PCDHA1: variants seen among roughly 807,000 people sequenced by gnomAD.
PCDHA1 encodes the protein protocadherin alpha-1.
PCDHA1 carries 42 observed loss-of-function variants against 61.3 expected under a neutral mutation model. The observed-to-expected ratio is 0.69, with a 90% CI of 0.54 to 0.89. The LOEUF (loss-of-function observed/expected upper bound fraction) is 0.89, where lower values mean the gene tolerates loss of function less well. Among genes scored for constraint, PCDHA1 ranks in the 40% least tolerant of loss-of-function variants. PCDHA1 has a pLI of 0.00. For synonymous variants in PCDHA1, 610 were observed against 553.8 expected (o/e 1.10, Z -1.43); for missense variants, 1,256 against 1,235.3 (o/e 1.02, Z -0.25).
Position 140,965,562 on chromosome 5 carries a change from A to G in PCDHA1, c.2395-13387A>G, listed in dbSNP as rs548302746. 1.9e-4 allele frequency among the ~76,000 whole-genome samples: 29 copies of G among 152,242 alleles called. No homozygotes were observed. In the South Asian group the frequency reaches 6.0e-3, roughly 32 times the overall value. On this transcript the variant is annotated intron_variant, in intron 1 of 3. Coordinates refer to ENST00000504120, the MANE Select transcript of PCDHA1 (RefSeq NM_018900.4). ...AATTCCAGCCTGGCTTAGGAGATCA[A>G]CAGTAACGCTCTTGATTTAATGGTT...
chr5:140,800,909 A>G (rs1762610990), intron 1 of PCDHA1: 8 of 509,390 alleles, frequency 1.6e-5, no homozygotes, highest in Admixed American at 4.3e-5. Flanking sequence ...ACCGAAGGAT[A>G]TTACAATTGA....
intron 1 of PCDHA1, chr5:140,929,269 A>G (rs138062218): frequency 3.0e-5 from 49 of 1,611,106 alleles, no homozygotes; most frequent in African/African-American, 5.3e-5. Context: ...GAATTTGCCA[A>G]TATCCTGTAT....
In PCDHA1 at chr5:140,946,631, T is replaced by TATAC. The variant is rs57893927; in HGVS notation, c.2395-32317_2395-32316insTACA. ...TGTGAAATATATATATATATATATA[T>TATAC]ACAATGGAATACTCATCAGCCATTA... On this transcript the variant is annotated intron_variant, in intron 1 of 3. Transcript: ENST00000504120. 2.4e-4 allele frequency among the ~76,000 whole-genome samples: 32 copies of TATAC among 131,838 alleles called. 1 individual carries two copies. The highest frequency in any genetic ancestry group is 4.2e-4 in the African/African-American group (12 of 28,706). 86.5% of individuals were successfully genotyped at this position (131,838 alleles called of 152,430 possible).
Position 140,974,586 on chromosome 5 carries a change from A to G in PCDHA1, c.2395-4363A>G, listed in dbSNP as rs150396044. Among the ~76,000 whole-genome samples, 599 of 152,220 alleles carry G rather than the reference A, an allele frequency of 3.9e-3. 3 individuals carry two copies. Among genetic ancestry groups the G allele is most frequent in the African/African-American group, 0.014 (565 of 41,540 alleles). On this transcript the variant is annotated intron_variant, in intron 1 of 3. Transcript: ENST00000504120. The stretch of plus-strand genomic sequence containing the variant: ...GAGTGCAATGGCATGATCTTGGCTC[A>G]CTGCAACCTCTGCCTCCAGGGTTCA...
At chr5:140,822,311 T>TA (rs1356931430) in intron 1 of PCDHA1, 2 of 1,614,072 alleles carry the variant, frequency 1.2e-6, no homozygotes, top group African/African-American at 2.7e-5. Flanking sequence ...TATTTTGACT[T>TA]AGATGTTAAA....
At chr5:140,827,788 C>T (rs2150149123) in intron 1 of PCDHA1, among the ~76,000 whole-genome samples, 76 of 152,218 alleles carry the variant, frequency 5.0e-4, no homozygotes, top group Admixed American at 1.5e-3. Flanking sequence ...TAACACTGAC[C>T]GTGCAAATTA....
In PCDHA1 at chr5:140,829,345, G is replaced by A. The variant is rs2150166310; in HGVS notation, c.2394+40661G>A. The A allele has an allele frequency of 4.3e-6, 7 of 1,614,136 alleles. No homozygotes were observed. In the African/African-American group the frequency reaches 8.0e-5, roughly 18 times the overall value. ...ACAGTGCCCTGGACCGCGAGAGCGT[G>A]TCGGCCTATGAGTTGGTGGTAACCG... is the stretch of plus-strand genomic sequence containing the variant. On this transcript the variant is annotated intron_variant, in intron 1 of 3. Transcript: ENST00000504120.
intron 3 of PCDHA1, 79 bp downstream of exon 3, chr5:140,982,642 G>T: frequency 6.5e-7 from 1 of 1,529,982 alleles, no homozygotes; most frequent in Non-Finnish European, 8.8e-7. Flanking sequence ...GATCAGGAAT[G>T]TTGATGGCTC....
At chr5:140,818,715 G>A (rs1293296922) in intron 1 of PCDHA1, among the ~76,000 whole-genome samples, 2 of 152,184 alleles carry the variant, frequency 1.3e-5, no homozygotes, top group Non-Finnish European at 1.5e-5. Flanking sequence ...GTGCACACCT[G>A]TGGTCCCAGC....
At chr5:140,947,454 C>T (rs138457341) in intron 1 of PCDHA1, among the ~76,000 whole-genome samples, 1 of 151,582 alleles carries the variant, frequency 6.6e-6, no homozygotes, top group Non-Finnish European at 1.5e-5. Flanking sequence ...ATCCTCCAAC[C>T]TTGTTCTACT....
chr5:140,953,951 A>C (rs1554221165), intron 1 of PCDHA1, among the ~76,000 whole-genome samples: 1 of 151,876 alleles, frequency 6.6e-6, no homozygotes, highest in Admixed American at 6.6e-5. Context: ...TGCTCCCCCA[A>C]CAGGCCCCAG....
At chr5:140,829,924 G>A (rs141677964) in intron 1 of PCDHA1, 8 of 1,613,896 alleles carry the variant, frequency 5.0e-6, no homozygotes, top group Non-Finnish European at 6.8e-6. Flanking sequence ...CGTATGAGCT[G>A]CAGCCCCCGG....
At chr5:140,984,643 C>G (rs1300632981) in intron 3 of PCDHA1, among the ~76,000 whole-genome samples, 3 of 152,152 alleles carry the variant, frequency 2.0e-5, no homozygotes, top group Non-Finnish European at 4.4e-5. Context: ...TCTGCCTTCT[C>G]CCTGTCCTTC....
In PCDHA1 at chr5:140,822,727, A is replaced by C. The variant is rs17844292; in HGVS notation, c.2394+34043A>C. 23 of 1,612,342 alleles carry C rather than the reference A, an allele frequency of 1.4e-5. No homozygotes were observed. In the East Asian group the frequency reaches 4.9e-4, roughly 34 times the overall value. On this transcript the variant is annotated intron_variant, in intron 1 of 3. Transcript: ENST00000504120. ...TGAAGACTATAACTCATATGAAATTAATATTGATGCCATGGATAAAAGTAC... is the reference window on the plus strand; with the variant it reads ...TGAAGACTATAACTCATATGAAATTCATATTGATGCCATGGATAAAAGTAC...
intron 1 of PCDHA1, chr5:140,858,501 T>C: frequency 6.8e-7 from 1 of 1,464,942 alleles, no homozygotes; most frequent in Non-Finnish European, 9.4e-7. Context: ...TACCGCATTT[T>C]CTCAAATATG....
intron 1 of PCDHA1, among the ~76,000 whole-genome samples, chr5:140,791,430 A>G (rs1554118664): frequency 6.6e-6 from 1 of 152,214 alleles, no homozygotes; most frequent in African/African-American, 2.4e-5. Flanking sequence ...CTGTCATAGG[A>G]AGTCCCCAAT....
At chr5:140,952,794 G>T (rs2094798904) in intron 1 of PCDHA1, among the ~76,000 whole-genome samples, 1 of 152,140 alleles carries the variant, frequency 6.6e-6, no homozygotes, top group Admixed American at 6.5e-5. Context: ...GGTTTAACTG[G>T]CTCGCAGTTC....
At chr5:140,858,089 G>T in intron 1 of PCDHA1, 2 of 1,597,872 alleles carry the variant, frequency 1.3e-6, no homozygotes, top group East Asian at 2.2e-5. Flanking sequence ...CTCGTCGCGG[G>T]CTTCAGTGGG....
At chr5:140,881,719 C>A (rs914788204) in intron 1 of PCDHA1, among the ~76,000 whole-genome samples, 3 of 152,104 alleles carry the variant, frequency 2.0e-5, no homozygotes, top group African/African-American at 7.2e-5. Context: ...GTGAGGAGGT[C>A]TTGAAAAATA....
Sources: allele counts gnomAD v4.1 joint callset (sites outside exome capture counted in the v4.1 genomes callset), GRCh38; gene constraint gnomAD v4.1.1; transcripts MANE v1.5; gene names NCBI Gene and HGNC (gene_info 2026-07-23, HGNC 2026-07-21).